Variants in MICU2 observed in about 807,000 individuals in gnomAD.
MICU2 encodes mitochondrial calcium uptake 2, also known as calcium uptake protein 2, mitochondrial.
Under a neutral mutation model 60.4 loss-of-function variants are expected in MICU2, and 64 were observed. The ratio of observed to expected loss-of-function variants is 1.06; its 90% CI spans 0.87 to 1.31. MICU2 has a LOEUF of 1.31. Among genes scored for constraint, MICU2 ranks in the 50% most tolerant of loss-of-function variants. The pLI is 0.00. For synonymous variants in MICU2, 201 were observed against 175.0 expected, an observed-to-expected ratio of 1.15 and a Z score of -1.17; for missense variants, 569 against 531.0, an observed-to-expected ratio of 1.07 and a Z score of -0.70.
intron 1 of MICU2, among the ~76,000 whole-genome samples, chr13:21,583,346 T>G (rs909196223): frequency 1.3e-5 from 2 of 152,214 alleles, no homozygotes; most frequent in African/African-American, 4.8e-5. Context: ...TTAAGTTTTT[T>G]AAAAAATAAA....
At chr13:21,593,668 T>C (rs889583266) in intron 1 of MICU2, among the ~76,000 whole-genome samples, 2 of 149,408 alleles carry the variant, frequency 1.3e-5, no homozygotes, top group Non-Finnish European at 3.0e-5. Flanking sequence ...AGCATGGTAC[T>C]GGTACCAAAA....
intron 1 of MICU2, among the ~76,000 whole-genome samples, chr13:21,586,253 T>G (rs538445671): frequency 5.3e-5 from 8 of 152,234 alleles, no homozygotes; most frequent in Admixed American, 4.6e-4. Flanking sequence ...AGCAGTTCAC[T>G]ATCCGTTTTT....
At chr13:21,572,284 G>A (rs934249822) in intron 1 of MICU2, among the ~76,000 whole-genome samples, 2 of 152,152 alleles carry the variant, frequency 1.3e-5, no homozygotes, top group African/African-American at 2.4e-5. Context: ...AGCTACAAAC[G>A]TATCTGTGGC....
intron 9 of MICU2, among the ~76,000 whole-genome samples, chr13:21,498,116 G>C (rs193092764): frequency 6.6e-6 from 1 of 152,210 alleles, no homozygotes; most frequent in East Asian, 1.9e-4. Flanking sequence ...CTCTTTGTAG[G>C]ATGCTGAGGA....
intron 4 of MICU2, chr13:21,531,084 C>G (rs1886985422): frequency 9.9e-7 from 1 of 1,011,652 alleles, no homozygotes; most frequent in African/African-American, 1.6e-5. Context: ...AAGTCAATTA[C>G]TTGATTTACA....
chr13:21,586,724 A>G (rs1020574314), intron 1 of MICU2, among the ~76,000 whole-genome samples: 3 of 152,122 alleles, frequency 2.0e-5, no homozygotes, highest in Non-Finnish European at 2.9e-5. Flanking sequence ...TACAGCATAT[A>G]TTTTAGTCTT....
intron 1 of MICU2, among the ~76,000 whole-genome samples, chr13:21,586,316 CT>C (rs1888455407): frequency 6.6e-6 from 1 of 152,164 alleles, no homozygotes; most frequent in African/African-American, 2.4e-5. Context: ...CTATAATCAG[CT>C]TCTAGAATTT....
At chr13:21,495,504 C>T (rs1885972349) in intron 10 of MICU2, 186 bp from the exon 11 acceptor site, 1 of 543,066 alleles carries the variant, frequency 1.8e-6, no homozygotes, top group East Asian at 2.9e-5. Context: ...ATGAGAGTCA[C>T]TGCAAGACAA....
At chr13:21,602,276 A>G (rs577079334) in intron 1 of MICU2, among the ~76,000 whole-genome samples, 16 of 151,948 alleles carry the variant, frequency 1.1e-4, no homozygotes, top group Middle Eastern at 3.4e-3. Flanking sequence ...TAATTCCAGC[A>G]CTTAGGGAGG....
intron 1 of MICU2, among the ~76,000 whole-genome samples, chr13:21,580,482 G>A (rs1209370443): frequency 6.7e-6 from 1 of 150,110 alleles, no homozygotes; most frequent in Non-Finnish European, 1.5e-5. Context: ...TAGATCTTGG[G>A]AAGAGAGGGG....
chr13:21,511,345 G>A (rs1316072058), intron 7 of MICU2, among the ~76,000 whole-genome samples: 2 of 152,068 alleles, frequency 1.3e-5, no homozygotes, highest in Admixed American at 1.3e-4. Context: ...AAAATGTAAG[G>A]CATGACAACT....
intron 6 of MICU2, among the ~76,000 whole-genome samples, chr13:21,516,326 A>G (rs561406799): frequency 6.6e-6 from 1 of 152,180 alleles, no homozygotes; most frequent in African/African-American, 2.4e-5. Context: ...ACTAGTATGT[A>G]TTCTTTTGTG....
intron 1 of MICU2, among the ~76,000 whole-genome samples, chr13:21,594,654 T>C (rs748516189): frequency 1.3e-5 from 2 of 152,086 alleles, no homozygotes; most frequent in Non-Finnish European, 2.9e-5. Context: ...ACAGATTGAA[T>C]AAAGAAAATG....
chr13:21,582,696 G>T (rs531538090), intron 1 of MICU2, among the ~76,000 whole-genome samples: 1 of 152,106 alleles, frequency 6.6e-6, no homozygotes, highest in African/African-American at 2.4e-5. Context: ...CCAATTTCCT[G>T]CTCTGCCATA....
chr13:21,495,117 TTAA>T (rs777067030), intron 11 of MICU2, 41 bp downstream of exon 11: 3 of 1,513,394 alleles, frequency 2.0e-6, no homozygotes, highest in Non-Finnish European at 2.7e-6. Flanking sequence ...TTAATATCAG[TTAA>T]TGACAATGTA....
intron 9 of MICU2, among the ~76,000 whole-genome samples, chr13:21,500,647 G>A (rs182169497): frequency 1.3e-5 from 2 of 151,940 alleles, no homozygotes; most frequent in East Asian, 3.9e-4. Flanking sequence ...TCGAACTCCT[G>A]ACCTTGAGAG....
intron 1 of MICU2, among the ~76,000 whole-genome samples, chr13:21,600,949 A>G (rs1888800498): frequency 1.3e-5 from 2 of 152,076 alleles, no homozygotes; most frequent in African/African-American, 2.4e-5. Flanking sequence ...GGCGCCCGCC[A>G]CCACGCCCAG....
Position 21,561,373 on chromosome 13 carries a change from C to G in MICU2, c.358+5424G>C, listed in dbSNP as rs187175683. Among the ~76,000 whole-genome samples, 389 of 152,226 alleles carry G rather than the reference C, an allele frequency of 2.6e-3. 6 individuals are homozygous for G. Among genetic ancestry groups the G allele is most frequent in the Admixed American group, 0.022 (331 of 15,288 alleles). On this transcript the variant is annotated intron_variant, in intron 2 of 11. Coordinates refer to ENST00000382374, the MANE Select transcript of MICU2 (RefSeq NM_152726.3). ...TTGGTTTTCTGTCTGCTGAATCTGT[C>G]AATCAATGACAGAAGGCTCTTGAAA...
At chr13:21,550,474 G>T (rs1256069132) in intron 2 of MICU2, among the ~76,000 whole-genome samples, 1 of 152,134 alleles carries the variant, frequency 6.6e-6, no homozygotes, top group African/African-American at 2.4e-5. Context: ...GGAGGTTGAG[G>T]CTGCAGGGAG....
Sources: allele counts gnomAD v4.1 joint callset (sites outside exome capture counted in the v4.1 genomes callset), GRCh38; gene constraint gnomAD v4.1.1; transcripts MANE v1.5; gene names NCBI Gene and HGNC (gene_info 2026-07-23, HGNC 2026-07-21).